ROBO2: variants seen among roughly 807,000 people sequenced by gnomAD.
ROBO2 encodes the protein roundabout homolog 2.
A neutral mutation model predicts 160.8 loss-of-function variants in ROBO2; 53 were observed. The ratio of observed to expected loss-of-function variants is 0.33; its 90% CI spans 0.26 to 0.41. The LOEUF is 0.41. Ranked by LOEUF, ROBO2 falls within the 10% of genes least tolerant of loss-of-function variation. ROBO2 has a pLI of 1.00. For missense variants in ROBO2, 1,577 were observed against 1,722.4 expected (o/e 0.92, Z 1.49); for synonymous variants, 664 against 611.7 (o/e 1.09, Z -1.26).
chr3:76,252,778 C>T (rs1192790309), intron 2 of ROBO2, among the ~76,000 whole-genome samples: 1 of 151,318 alleles, frequency 6.6e-6, no homozygotes, highest in East Asian at 1.9e-4. Context: ...CACACACACA[C>T]ACACACACAC....
intron 2 of ROBO2, among the ~76,000 whole-genome samples, chr3:77,415,632 A>G (rs899420068): frequency 6.6e-6 from 1 of 152,046 alleles, no homozygotes; most frequent in African/African-American, 2.4e-5. Flanking sequence ...AGCTTGCACT[A>G]CCAACCCAGG....
At chr3:76,707,731 G>GTATATATATATATATATATATATA (rs56401900) in intron 2 of ROBO2, among the ~76,000 whole-genome samples, 1 of 134,208 alleles carries the variant, frequency 7.5e-6, no homozygotes, top group Non-Finnish European at 1.6e-5. Flanking sequence ...ACATGTGTGT[G>GTATATATATATATATATATATATA]TATATATATA....
chr3:76,538,709 A>G (rs2082653071), intron 2 of ROBO2, among the ~76,000 whole-genome samples: 1 of 152,188 alleles, frequency 6.6e-6, no homozygotes, highest in South Asian at 2.1e-4. Context: ...ATAGTACCCA[A>G]CAGGTAGTTT....
intron 2 of ROBO2, among the ~76,000 whole-genome samples, chr3:77,187,879 CT>C (rs1281222692): frequency 8.6e-5 from 13 of 151,800 alleles, no homozygotes; most frequent in African/African-American, 3.1e-4. Context: ...TGCTTTTTTA[CT>C]TTAAAACTCA....
chr3:76,264,025 C>A (rs1156831841), intron 2 of ROBO2, among the ~76,000 whole-genome samples: 6 of 152,100 alleles, frequency 3.9e-5, no homozygotes, highest in African/African-American at 1.4e-4. Flanking sequence ...ACAATGAGAA[C>A]ACATGGACAC....
intron 2 of ROBO2, among the ~76,000 whole-genome samples, chr3:77,465,108 C>G (rs2082636855): frequency 6.6e-6 from 1 of 151,846 alleles, no homozygotes; most frequent in Admixed American, 6.6e-5. Context: ...ACCGAGAAAA[C>G]AAGGTTCTAA....
intron 2 of ROBO2, among the ~76,000 whole-genome samples, chr3:76,801,852 CTT>C (rs1265850570): frequency 6.6e-6 from 1 of 152,024 alleles, no homozygotes; most frequent in African/African-American, 2.4e-5. Flanking sequence ...CATGTGACTC[CTT>C]TTTTCACTTG....
chr3:76,445,125 G>A (rs949875045), intron 2 of ROBO2, among the ~76,000 whole-genome samples: 1 of 152,196 alleles, frequency 6.6e-6, no homozygotes, highest in South Asian at 2.1e-4. Flanking sequence ...AGAAGGGAAA[G>A]ATATTTTCTA....
At chr3:77,500,577 G>A (rs185310361) in intron 5 of ROBO2, among the ~76,000 whole-genome samples, 3 of 152,090 alleles carry the variant, frequency 2.0e-5, no homozygotes. Flanking sequence ...GACCAACTTC[G>A]TAAGCCACAC....
intron 2 of ROBO2, among the ~76,000 whole-genome samples, chr3:76,622,535 C>A (rs2089298459): frequency 6.6e-6 from 1 of 152,104 alleles, no homozygotes; most frequent in Non-Finnish European, 1.5e-5. Context: ...ATCACTTTAT[C>A]TACAACAGGA....
At chr3:76,229,795 AT>A (rs768505474) in intron 2 of ROBO2, among the ~76,000 whole-genome samples, 1 of 152,178 alleles carries the variant, frequency 6.6e-6, no homozygotes, top group African/African-American at 2.4e-5. Context: ...ATACAATTAT[AT>A]TTACAGAGGG....
At chr3:76,536,665 C>T (rs1012117842) in intron 2 of ROBO2, among the ~76,000 whole-genome samples, 3 of 152,080 alleles carry the variant, frequency 2.0e-5, no homozygotes, top group Non-Finnish European at 2.9e-5. Flanking sequence ...GAAGGTCTGG[C>T]TCATGACGCT....
At chr3:77,648,445 T>C (rs2095427230) in exon 26 of ROBO2, 1 of 152,222 alleles carries the variant, frequency 6.6e-6, no homozygotes, top group Admixed American at 6.5e-5. Context: ...GCATCATACC[T>C]TCCTGATTGT....
chr3:76,500,103 A>C (rs1409483129), intron 2 of ROBO2, among the ~76,000 whole-genome samples: 1 of 152,072 alleles, frequency 6.6e-6, no homozygotes, highest in African/African-American at 2.4e-5. Flanking sequence ...GGGGACAGTA[A>C]AAATAGTTTA....
chr3:77,521,654 A>T (rs1173180403), intron 5 of ROBO2, among the ~76,000 whole-genome samples: 1 of 151,268 alleles, frequency 6.6e-6, no homozygotes, highest in Non-Finnish European at 1.5e-5. Context: ...TTTAGTTGGC[A>T]TGATTGGTAA....
intron 2 of ROBO2, among the ~76,000 whole-genome samples, chr3:76,573,170 T>C (rs1401845421): frequency 1.3e-5 from 2 of 152,136 alleles, no homozygotes; most frequent in African/African-American, 2.4e-5. Context: ...TGAGGTCAAA[T>C]AGATCTGGAT....
Position 77,252,808 on chromosome 3 carries a change from A to AAAAAAAAAAAG in ROBO2, c.388+154478_388+154479insGAAAAAAAAAA, listed in dbSNP as rs1491475887. Reference sequence around the variant, plus strand: ...GGGCAGCAGAGCAAGACTCCATCTCAAAAAAAAAAAAAAAAAAAAAAAAAT... The same window carrying AAAAAAAAAAAG: ...GGGCAGCAGAGCAAGACTCCATCTCAAAAAAAAAAAGAAAAAAAAAAAAAAAAAAAAAAAAT... On this transcript the variant is annotated intron_variant, in intron 2 of 25. Coordinates refer to ENST00000461745, the Ensembl canonical transcript of ROBO2. Among the ~76,000 whole-genome samples the AAAAAAAAAAAG allele has an allele frequency of 1.3e-4, 5 of 38,486 alleles. 1 individual carries two copies. The highest frequency in any genetic ancestry group is 8.6e-4 in the Admixed American group (2 of 2,326). The allele number at this position is 38,486 out of a possible 152,430, so 25.2% of individuals were successfully genotyped here.
At chr3:77,635,188 A>C (rs2095242964) in intron 24 of ROBO2, 145 bp downstream of exon 25, 2 of 765,530 alleles carry the variant, frequency 2.6e-6, no homozygotes, top group Admixed American at 5.2e-5. Flanking sequence ...CCTTGTTTAA[A>C]TAAAACACCA....
At chr3:76,844,196 T>C (rs1008358658) in intron 2 of ROBO2, among the ~76,000 whole-genome samples, 1 of 151,992 alleles carries the variant, frequency 6.6e-6, no homozygotes, top group East Asian at 1.9e-4. Context: ...TCATTTGCAA[T>C]TGAGTAAATA....
Sources: gnomAD v4.1 joint callset for allele counts (sites outside exome capture counted in the v4.1 genomes callset) on GRCh38, gnomAD v4.1.1 for gene constraint, MANE v1.5 for transcripts, NCBI Gene and HGNC (gene_info 2026-07-23, HGNC 2026-07-21) for gene names.